Variants in KCNH5 observed in about 807,000 individuals in gnomAD.
KCNH5 encodes potassium voltage-gated channel subfamily H member 5, also known as voltage-gated delayed rectifier potassium channel KCNH5.
KCNH5 carries 46 observed loss-of-function variants against 96.1 expected under a neutral mutation model. The observed-to-expected ratio is 0.48, with a 90% confidence interval of 0.38 to 0.61. KCNH5 has a LOEUF of 0.61. Ranked by LOEUF, KCNH5 falls within the 20% of genes least tolerant of loss-of-function variation. The pLI is 0.00. For missense variants in KCNH5, 907 were observed against 1,225.8 expected (o/e 0.74, Z 3.88); for synonymous variants, 439 against 449.8 (o/e 0.98, Z 0.30).
chr14:62,867,277 G>A (rs930858372), intron 7 of KCNH5, among the ~76,000 whole-genome samples: 12 of 152,218 alleles, frequency 7.9e-5, no homozygotes, highest in Admixed American at 2.6e-4. Flanking sequence ...GCAGTCAGGC[G>A]GATTGGCTAA....
intron 8 of KCNH5, among the ~76,000 whole-genome samples, chr14:62,841,588 T>C (rs1055280827): frequency 6.6e-6 from 1 of 152,254 alleles, no homozygotes; most frequent in Non-Finnish European, 1.5e-5. Flanking sequence ...TTTTCATCTA[T>C]GCTTAAATAA....
chr14:62,824,411 T>A (rs1015930337), intron 8 of KCNH5, among the ~76,000 whole-genome samples: 3 of 152,044 alleles, frequency 2.0e-5, no homozygotes, highest in Non-Finnish European at 4.4e-5. Flanking sequence ...GCCTACAAGG[T>A]AAGAGGAGCA....
chr14:62,752,210 G>T (rs751858818), intron 10 of KCNH5, among the ~76,000 whole-genome samples: 3 of 152,056 alleles, frequency 2.0e-5, no homozygotes, highest in Non-Finnish European at 4.4e-5. Context: ...TACCTCATCT[G>T]CATGGGTCCT....
At chr14:62,785,709 G>C (rs1418697627) in intron 9 of KCNH5, among the ~76,000 whole-genome samples, 1 of 152,130 alleles carries the variant, frequency 6.6e-6, no homozygotes, top group Non-Finnish European at 1.5e-5. Context: ...GACTCATATA[G>C]TAGGAAACTG....
chr14:62,909,813 TCTAA>T (rs1889114737), intron 7 of KCNH5, among the ~76,000 whole-genome samples: 1 of 152,106 alleles, frequency 6.6e-6, no homozygotes, highest in Non-Finnish European at 1.5e-5. Flanking sequence ...TGTCAGCCCA[TCTAA>T]CTGAGAGTAC....
intron 7 of KCNH5, among the ~76,000 whole-genome samples, chr14:62,901,083 G>A (rs748858734): frequency 5.3e-5 from 8 of 151,978 alleles, no homozygotes; most frequent in Non-Finnish European, 1.2e-4. Context: ...CCGCCTCCCC[G>A]GTTCAAGCAC....
At chr14:62,990,650 A>T (rs964298881) in intron 4 of KCNH5, among the ~76,000 whole-genome samples, 19 of 152,074 alleles carry the variant, frequency 1.2e-4, no homozygotes, top group Admixed American at 1.1e-3. Context: ...TTGAACATAG[A>T]TGAAAAGGGA....
intron 3 of KCNH5, among the ~76,000 whole-genome samples, chr14:63,002,708 C>T (rs936083732): frequency 6.6e-6 from 1 of 152,136 alleles, no homozygotes; most frequent in South Asian, 2.1e-4. Flanking sequence ...GATGAGATAA[C>T]TACCAGGCTC....
At chr14:62,977,387 T>C (rs1156470001) in intron 6 of KCNH5, among the ~76,000 whole-genome samples, 1 of 151,722 alleles carries the variant, frequency 6.6e-6, no homozygotes, top group Admixed American at 6.6e-5. Context: ...ACAATAATAA[T>C]AATATCAACA....
In KCNH5 at chr14:62,899,821, G is replaced by A. The variant is rs370613198; in HGVS notation, c.1370-49969C>T. Among the ~76,000 whole-genome samples the A allele has an allele frequency of 4.2e-4, 51 of 120,824 alleles. No individual in the cohort carries two copies. In the East Asian group the frequency reaches 0.012, roughly 27 times the overall value. 79.3% of individuals were successfully genotyped at this position (120,824 alleles called of 152,430 possible). On this transcript the variant is annotated intron_variant, in intron 7 of 10. Transcript: ENST00000322893. ...TGCACTCCAGCCTGGGCGACAGAGCGAGACTCCGTCTCAAAAAAAAAAAAA... is the reference window on the plus strand; with the variant it reads ...TGCACTCCAGCCTGGGCGACAGAGCAAGACTCCGTCTCAAAAAAAAAAAAA...
At chr14:62,823,521 T>C (rs1166363475) in intron 8 of KCNH5, among the ~76,000 whole-genome samples, 1 of 152,018 alleles carries the variant, frequency 6.6e-6, no homozygotes. Context: ...AGCAGTTCAT[T>C]AACTTAATTA....
intron 3 of KCNH5, among the ~76,000 whole-genome samples, chr14:63,003,624 A>ATATTTT (rs1491457497): frequency 1.1e-5 from 1 of 92,824 alleles, no homozygotes; most frequent in African/African-American, 4.7e-5. Context: ...ATATATATAT[A>ATATTTT]TTTTTTTTTT....
At position 62,993,557 on chromosome 14, in the gene KCNH5, T is replaced by A. The variant is rs185250354; in HGVS notation, c.434-6370A>T. On this transcript the variant is annotated intron_variant, in intron 4 of 10. Transcript: ENST00000322893. ...CCTGATCACACATACGTTTCAATCA[T>A]GTACTTTGAAGTAGATTCTAAATTT... Among the ~76,000 whole-genome samples the A allele has an allele frequency of 3.1e-3, 468 of 152,190 alleles. 7 individuals carry two copies. Among genetic ancestry groups the A allele is most frequent in the African/African-American group, 0.011 (455 of 41,562 alleles).
chr14:62,920,962 C>A (rs539592832), intron 7 of KCNH5, among the ~76,000 whole-genome samples: 1 of 152,286 alleles, frequency 6.6e-6, no homozygotes, highest in South Asian at 2.1e-4. Context: ...CTATTAAATG[C>A]ATTAATTGCT....
intron 10 of KCNH5, among the ~76,000 whole-genome samples, chr14:62,760,605 T>A (rs1047817750): frequency 6.6e-6 from 1 of 152,236 alleles, no homozygotes; most frequent in Non-Finnish European, 1.5e-5. Context: ...TGAAATCAAA[T>A]GTCAACTTCT....
chr14:63,011,343 T>G (rs1371729957), intron 2 of KCNH5, among the ~76,000 whole-genome samples: 1 of 151,912 alleles, frequency 6.6e-6, no homozygotes, highest in Non-Finnish European at 1.5e-5. Flanking sequence ...CTAGGCATGG[T>G]GGCGGGTGCA....
chr14:62,923,803 T>C (rs118074699), intron 7 of KCNH5, among the ~76,000 whole-genome samples: 3,199 of 152,032 alleles, frequency 0.021, 61 homozygotes, highest in East Asian at 0.083. Flanking sequence ...TCTCACATCA[T>C]ATCCAAAAAT....
At chr14:63,032,332 A>G (rs1307526891) in intron 1 of KCNH5, among the ~76,000 whole-genome samples, 2 of 152,146 alleles carry the variant, frequency 1.3e-5, no homozygotes, top group Admixed American at 1.3e-4. Flanking sequence ...GATAAGGGCT[A>G]TTTCAAGCTG....
chr14:62,943,545 G>C (rs546659782), intron 7 of KCNH5, among the ~76,000 whole-genome samples: 23 of 152,284 alleles, frequency 1.5e-4, no homozygotes, highest in African/African-American at 5.3e-4. Flanking sequence ...AAATTAGCAA[G>C]GAGATTACTT....
Sources: gnomAD v4.1 joint callset for allele counts (sites outside exome capture counted in the v4.1 genomes callset) on GRCh38, gnomAD v4.1.1 for gene constraint, MANE v1.5 for transcripts, NCBI Gene and HGNC (gene_info 2026-07-23, HGNC 2026-07-21) for gene names.